TOX2: variants seen among roughly 807,000 people sequenced by gnomAD.
The protein encoded by TOX2 is granulosa cell HMG box 1.
TOX2 carries 15 observed loss-of-function variants against 47.4 expected under a neutral mutation model. The observed-to-expected ratio is 0.32, with a 90% CI of 0.21 to 0.49. The LOEUF (loss-of-function observed/expected upper bound fraction) is 0.49. Among genes scored for constraint, TOX2 ranks in the 20% least tolerant of loss-of-function variants. The pLI is 0.99. For synonymous variants in TOX2, 290 were observed against 296.6 expected (o/e 0.98, Z 0.23); for missense variants, 622 against 673.1 (o/e 0.92, Z 0.84).
intron 3 of TOX2, among the ~76,000 whole-genome samples, chr20:44,041,575 C>CGCA (rs1259386362): frequency 6.6e-6 from 1 of 152,008 alleles, no homozygotes; most frequent in African/African-American, 2.4e-5. Context: ...ACTGTGAGAC[C>CGCA]CTGAAGTGCG....
At chr20:43,954,545 A>G (rs531977069) in intron 1 of TOX2, among the ~76,000 whole-genome samples, 1 of 152,322 alleles carries the variant, frequency 6.6e-6, no homozygotes, top group South Asian at 2.1e-4. Context: ...CTGCGGAAAG[A>G]TGAAGGATGG....
intron 3 of TOX2, among the ~76,000 whole-genome samples, chr20:44,029,124 C>T (rs574109583): frequency 2.6e-5 from 4 of 152,348 alleles, no homozygotes; most frequent in East Asian, 1.9e-4. Flanking sequence ...GGGTCGCCAC[C>T]GCGCTGATGC....
chr20:44,049,566 G>A (rs1396466593), intron 3 of TOX2, among the ~76,000 whole-genome samples: 2 of 152,124 alleles, frequency 1.3e-5, no homozygotes, highest in Non-Finnish European at 2.9e-5. Context: ...TGTGTGCCAC[G>A]GTGGTTTGCT....
chr20:43,966,667 T>A (rs1252467800), intron 1 of TOX2, among the ~76,000 whole-genome samples: 1 of 151,196 alleles, frequency 6.6e-6, no homozygotes, highest in Non-Finnish European at 1.5e-5. Flanking sequence ...GGCAGCAGAA[T>A]CACTTGAACC....
At chr20:44,054,637 C>T (rs2071585853) in intron 5 of TOX2, 111 bp downstream of exon 5, 1 of 1,194,762 alleles carries the variant, frequency 8.4e-7, no homozygotes, top group Non-Finnish European at 1.2e-6. Context: ...GAGACTCTTA[C>T]AGAGGTCTTT....
intron 2 of TOX2, among the ~76,000 whole-genome samples, chr20:43,985,128 CCT>C (rs2070241961): frequency 6.6e-6 from 1 of 152,194 alleles, no homozygotes; most frequent in South Asian, 2.1e-4. Flanking sequence ...CCCTCCTCAG[CCT>C]CTCTCCCTGT....
chr20:43,971,419 G>C (rs937139927), intron 1 of TOX2, among the ~76,000 whole-genome samples: 2 of 152,260 alleles, frequency 1.3e-5, no homozygotes, highest in African/African-American at 4.8e-5. Context: ...GCCCACAGGG[G>C]CTGGGGCTGG....
At chr20:43,969,093 C>T (rs2069914049) in intron 1 of TOX2, among the ~76,000 whole-genome samples, 1 of 152,196 alleles carries the variant, frequency 6.6e-6, no homozygotes, top group Non-Finnish European at 1.5e-5. Context: ...CCCTGCTTTC[C>T]TTGTGTGCGT....
chr20:44,001,760 G>A (rs1015492012), intron 2 of TOX2, among the ~76,000 whole-genome samples: 6 of 152,190 alleles, frequency 3.9e-5, no homozygotes, highest in Non-Finnish European at 7.3e-5. Context: ...CAAAACACAT[G>A]AACAGCAGGT....
chr20:43,926,906 GTGGCCAGGAGCTA>G (rs1191464623), intron 1 of TOX2, among the ~76,000 whole-genome samples: 1 of 152,194 alleles, frequency 6.6e-6, no homozygotes, highest in Non-Finnish European at 1.5e-5. Flanking sequence ...GTCCACGAAG[GTGGCCAGGAGCTA>G]TTCTCTTTGC....
At chr20:44,023,292 T>C (rs976985683) in intron 3 of TOX2, among the ~76,000 whole-genome samples, 2 of 151,340 alleles carry the variant, frequency 1.3e-5, no homozygotes, top group Admixed American at 1.3e-4. Context: ...TAGCTGGATG[T>C]GGTGGTGAAC....
At chr20:44,045,551 G>A (rs1250801576) in intron 3 of TOX2, among the ~76,000 whole-genome samples, 1 of 152,184 alleles carries the variant, frequency 6.6e-6, no homozygotes, top group East Asian at 1.9e-4. Context: ...AGAATTCTAG[G>A]TTATAGGATA....
chr20:43,948,826 C>T (rs764545883), intron 1 of TOX2, among the ~76,000 whole-genome samples: 19 of 152,326 alleles, frequency 1.2e-4, no homozygotes, highest in South Asian at 6.2e-4. Context: ...GGGAGGGCCT[C>T]GGGAACCTCC....
At chr20:44,035,390 C>G (rs1411682336) in intron 3 of TOX2, among the ~76,000 whole-genome samples, 1 of 152,108 alleles carries the variant, frequency 6.6e-6, no homozygotes, top group Non-Finnish European at 1.5e-5. Flanking sequence ...TTCCTGGACA[C>G]CCTCACCTTC....
intron 3 of TOX2, among the ~76,000 whole-genome samples, chr20:44,011,714 C>A (rs545681264): frequency 2.0e-5 from 3 of 152,320 alleles, no homozygotes; most frequent in South Asian, 4.1e-4. Flanking sequence ...CTGCACAGAT[C>A]GAGATACACT....
intron 1 of TOX2, among the ~76,000 whole-genome samples, chr20:43,950,339 T>C (rs2069540588): frequency 6.6e-6 from 1 of 152,186 alleles, no homozygotes; most frequent in Non-Finnish European, 1.5e-5. Context: ...TCTGCAGCCC[T>C]CTCGCCTGCC....
rs1175133084 is a variant in TOX2 at position 43,919,605 on chromosome 20, T to C, written c.99+4615T>C. On this transcript the variant is annotated intron_variant, in intron 1 of 8. Coordinates refer to ENST00000341197, the MANE Select transcript of TOX2 (RefSeq NM_001098797.2). ...CTGCCATGGTGGTTTGCTACACCTA[T>C]GAACCCATCACCTAGGAGTTAAGCC... Among the ~76,000 whole-genome samples, 4 of 152,188 alleles carry C rather than the reference T, an allele frequency of 2.6e-5. No individual in the cohort carries two copies. The East Asian group carries it at 7.7e-4, about 29-fold the overall frequency.
At chr20:44,034,319 A>G (rs2071205103) in intron 3 of TOX2, among the ~76,000 whole-genome samples, 1 of 151,968 alleles carries the variant, frequency 6.6e-6, no homozygotes, top group East Asian at 1.9e-4. Flanking sequence ...ACAGGACCCC[A>G]GGCACACCTG....
chr20:43,916,247 G>C lies in TOX2; in HGVS notation c.99+1257G>C. ...CAGTGGCTGGATCGGCGCCCCCCAGGGTCTCTCCCCAACCTCGCAGGCTTT... is the reference window on the plus strand; with the variant it reads ...CAGTGGCTGGATCGGCGCCCCCCAGCGTCTCTCCCCAACCTCGCAGGCTTT... On this transcript the variant is annotated intron_variant, in intron 1 of 8. Transcript: ENST00000341197. This position sits in a 1 kb window ranked among gnomAD's most constrained non-coding sequence, Gnocchi z 5.0. The C allele has an allele frequency of 1.0e-6, 1 of 984,502 alleles. No individual in the cohort carries two copies. The highest frequency in any genetic ancestry group is 1.2e-6 in the Non-Finnish European group (1 of 829,060). The allele number at this position is 984,502 out of a possible 1,614,324, so 61.0% of individuals were successfully genotyped here. A position where few individuals can be genotyped will look rare whatever the true frequency, so the allele number is the denominator to read the frequency against.
Sources: gnomAD v4.1 joint callset for allele counts (sites outside exome capture counted in the v4.1 genomes callset) on GRCh38, gnomAD v4.1.1 for gene constraint, Gnocchi (gnomAD v3.1) non-coding constraint, MANE v1.5 for transcripts, NCBI Gene and HGNC (gene_info 2026-07-23, HGNC 2026-07-21) for gene names.